Variants in LRP1B observed in about 807,000 individuals in gnomAD.
The protein encoded by LRP1B is low-density lipoprotein receptor-related protein 1B.
Under a neutral mutation model 556.6 loss-of-function variants are expected in LRP1B, and 217 were observed. The ratio of observed to expected loss-of-function variants is 0.39; its 90% CI spans 0.35 to 0.44. The LOEUF (loss-of-function observed/expected upper bound fraction) is 0.44, where lower values mean the gene tolerates loss of function less well. Among genes scored for constraint, LRP1B ranks in the 20% least tolerant of loss-of-function variants. LRP1B has a pLI of 1.00. For missense variants in LRP1B, 5,053 were observed against 5,620.8 expected, an observed-to-expected ratio of 0.90 and a Z score of 3.23; for synonymous variants, 2,047 against 1,865.8, an observed-to-expected ratio of 1.10 and a Z score of -2.50.
chr2:140,779,857 T>G (rs1287454822), intron 32 of LRP1B, among the ~76,000 whole-genome samples: 1 of 150,032 alleles, frequency 6.7e-6, no homozygotes, highest in African/African-American at 2.5e-5. Context: ...AAACTGAAAG[T>G]TAAGCTGGAA....
chr2:140,886,040 T>A, intron 24 of LRP1B, 98 bp downstream of exon 24: 2 of 738,734 alleles, frequency 2.7e-6, no homozygotes, highest in Non-Finnish European at 4.4e-6. Flanking sequence ...GGACCAAAGG[T>A]CAAAGAATAA....
chr2:141,231,449 GA>G (rs756581175), intron 5 of LRP1B, among the ~76,000 whole-genome samples: 7 of 152,154 alleles, frequency 4.6e-5, no homozygotes, highest in Non-Finnish European at 8.8e-5. Flanking sequence ...AGAGGCCAAA[GA>G]AGAGACCCAG....
intron 1 of LRP1B, among the ~76,000 whole-genome samples, chr2:142,006,522 C>T (rs1159353488): frequency 6.6e-6 from 1 of 152,136 alleles, no homozygotes; most frequent in African/African-American, 2.4e-5. Flanking sequence ...ATTTTAGAAG[C>T]TTATTTGGAG....
intron 6 of LRP1B, among the ~76,000 whole-genome samples, chr2:141,207,114 G>C (rs1682319891): frequency 6.6e-6 from 1 of 151,908 alleles, no homozygotes; most frequent in South Asian, 2.1e-4. Context: ...TGTCGTTCTG[G>C]GTGTCATTTC....
At chr2:142,128,461 A>G (rs1230236159) in intron 1 of LRP1B, among the ~76,000 whole-genome samples, 2 of 152,154 alleles carry the variant, frequency 1.3e-5, no homozygotes, top group South Asian at 2.1e-4. Context: ...TTATATTCCC[A>G]TATCTTCTGT....
At chr2:140,485,564 C>T (rs1688432177) in intron 58 of LRP1B, 40 bp from the exon 59 acceptor site, 2 of 1,482,048 alleles carry the variant, frequency 1.3e-6, no homozygotes, top group Non-Finnish European at 1.8e-6. Context: ...GCGTAAATCC[C>T]TAAAATAAGA....
At chr2:140,690,764 T>A (rs1039200458) in intron 41 of LRP1B, among the ~76,000 whole-genome samples, 4 of 152,200 alleles carry the variant, frequency 2.6e-5, no homozygotes, top group African/African-American at 9.6e-5. Flanking sequence ...ATGCTTCCCA[T>A]CTTGCTAACT....
chr2:140,503,205 TG>T, intron 53 of LRP1B, 102 bp from the exon 54 acceptor site: 1 of 940,038 alleles, frequency 1.1e-6, no homozygotes, highest in South Asian at 1.8e-5. Context: ...GGATTACTCA[TG>T]TCTCCCATGA....
chr2:141,435,251 C>T (rs933934599), intron 3 of LRP1B, among the ~76,000 whole-genome samples: 2 of 152,096 alleles, frequency 1.3e-5, no homozygotes, highest in South Asian at 2.1e-4. Context: ...GTGCCCACTC[C>T]GTGTTGATGG....
At chr2:141,318,018 A>G (rs746679709) in intron 3 of LRP1B, among the ~76,000 whole-genome samples, 3 of 152,110 alleles carry the variant, frequency 2.0e-5, no homozygotes, top group Non-Finnish European at 2.9e-5. Context: ...CAGTCAAAAC[A>G]ACAAAACAAA....
chr2:142,124,822 G>A (rs539473266), intron 1 of LRP1B, among the ~76,000 whole-genome samples: 3 of 151,668 alleles, frequency 2.0e-5, no homozygotes, highest in African/African-American at 7.2e-5. Context: ...TTCTTTCAGG[G>A]AAATATGTTG....
intron 66 of LRP1B, among the ~76,000 whole-genome samples, chr2:140,397,092 A>G (rs1344061682): frequency 1.3e-5 from 2 of 152,306 alleles, no homozygotes; most frequent in Admixed American, 6.5e-5. Flanking sequence ...GAAGACCTCT[A>G]GAGTGTTTTA....
intron 2 of LRP1B, among the ~76,000 whole-genome samples, chr2:141,625,611 G>A (rs1052256165): frequency 2.6e-5 from 4 of 152,032 alleles, no homozygotes; most frequent in East Asian, 1.9e-4. Context: ...GTACGTGATC[G>A]ACTTAGAGCT....
intron 2 of LRP1B, among the ~76,000 whole-genome samples, chr2:141,609,202 C>T (rs560954004): frequency 1.3e-5 from 2 of 152,156 alleles, no homozygotes; most frequent in East Asian, 3.9e-4. Flanking sequence ...CCTAATATGG[C>T]CAAATTCAAG....
intron 1 of LRP1B, among the ~76,000 whole-genome samples, chr2:141,822,625 G>T (rs939482945): frequency 2.6e-5 from 4 of 152,000 alleles, no homozygotes; most frequent in African/African-American, 9.7e-5. Context: ...TATCTATTAT[G>T]CTGTGTTTTA....
chr2:141,211,772 A>G (rs1326144562), intron 6 of LRP1B, among the ~76,000 whole-genome samples: 2 of 152,350 alleles, frequency 1.3e-5, no homozygotes, highest in Admixed American at 6.5e-5. Flanking sequence ...AACATTAAGC[A>G]TATGGTATCA....
chr2:140,444,529 C>T, intron 64 of LRP1B, 34 bp downstream of exon 64: 1 of 1,611,564 alleles, frequency 6.2e-7, no homozygotes, highest in Non-Finnish European at 8.5e-7. Context: ...GAAAATTAGA[C>T]TTATGTTCAT....
At chr2:140,362,589 C>T (rs1037898861) in intron 72 of LRP1B, among the ~76,000 whole-genome samples, 1 of 151,582 alleles carries the variant, frequency 6.6e-6, no homozygotes, top group African/African-American at 2.4e-5. Context: ...AACATGGATC[C>T]TTCAGTTCCT....
chr2:141,863,225 T>G (rs959035587), intron 1 of LRP1B, among the ~76,000 whole-genome samples: 2 of 152,204 alleles, frequency 1.3e-5, no homozygotes. Flanking sequence ...GTTCATTTAT[T>G]TAATACTCAT....
Sources: allele counts gnomAD v4.1 joint callset (sites outside exome capture counted in the v4.1 genomes callset), GRCh38; gene constraint gnomAD v4.1.1; transcripts MANE v1.5; gene names NCBI Gene and HGNC (gene_info 2026-07-23, HGNC 2026-07-21).